SMIM7: variants seen among roughly 807,000 people sequenced by gnomAD.
SMIM7 encodes UPF0608 protein C19orf42.
Under a neutral mutation model 13.3 loss-of-function variants are expected in SMIM7, and 12 were observed. The observed-to-expected ratio is 0.90, with a 90% CI of 0.58 to 1.46. The LOEUF is 1.46. Ranked by LOEUF, SMIM7 falls within the 40% of genes most tolerant of loss-of-function variation. The probability of loss-of-function intolerance (pLI) is 0.00; values close to 1 mark genes in which losing one functional copy is unlikely to be tolerated. For missense variants in SMIM7, 114 were observed against 94.8 expected (o/e 1.20, Z -0.84); for synonymous variants, 36 against 35.8 (o/e 1.01, Z -0.02).
intron 3 of SMIM7, among the ~76,000 whole-genome samples, chr19:16,658,372 A>T (rs988215347): frequency 1.3e-5 from 2 of 152,256 alleles, no homozygotes; most frequent in African/African-American, 4.8e-5. Flanking sequence ...ATGAATGGAT[A>T]CAATAGTCAT....
chr19:16,633,548 G>A (rs905296811), intron 4 of SMIM7, among the ~76,000 whole-genome samples: 8 of 151,514 alleles, frequency 5.3e-5, no homozygotes, highest in Non-Finnish European at 7.4e-5. Flanking sequence ...AAGTGTGTGC[G>A]TGTGTGTGTG....
intron 4 of SMIM7, among the ~76,000 whole-genome samples, chr19:16,651,551 G>A (rs1346844695): frequency 2.0e-5 from 3 of 152,170 alleles, no homozygotes; most frequent in Non-Finnish European, 2.9e-5. Flanking sequence ...GAGGATGCCC[G>A]AGGCTGCTGT....
intron 4 of SMIM7, 121 bp downstream of exon 4, chr19:16,653,910 TAAAG>T (rs1159594534): frequency 5.1e-6 from 4 of 784,012 alleles, no homozygotes; most frequent in South Asian, 1.9e-5. Flanking sequence ...AAACAAAAAA[TAAAG>T]AAAACAGAAA....
At position 16,660,003 on chromosome 19, in the gene SMIM7, G is replaced by C; in HGVS notation, c.27-3C>G. The stretch of plus-strand genomic sequence containing the variant: ...CCCCGGCATTCATCAGCAACGTCCT[G>C]CAGAGGGAGAATTACAGTTACTAGG... On this transcript the variant is annotated splice_polypyrimidine_tract_variant and splice_region_variant and intron_variant, in intron 1 of 4. Coordinates refer to ENST00000487416, the MANE Select transcript of SMIM7 (RefSeq NM_024104.4). The C allele has an allele frequency of 6.2e-7, 1 of 1,613,980 alleles. No homozygotes were observed. Among genetic ancestry groups the C allele is most frequent in the Non-Finnish European group, 8.5e-7 (1 of 1,179,974 alleles).
In SMIM7 at chr19:16,659,412, G is replaced by C. The variant is rs1238640602; in HGVS notation, c.104C>G (p.Ser35Cys). Reference sequence around the variant, plus strand: ...GACCTTACCTGTGCTGGGCTCCCTGGACTCCTCCCCAAAGCCCTGCGTGTC... The same window carrying C: ...GACCTTACCTGTGCTGGGCTCCCTGCACTCCTCCCCAAAGCCCTGCGTGTC... ...KKDTQGFGEE[S>C]REPSTGDNIR... The change falls in exon 3 of 5, where the codon TCC (serine) becomes TGC (cysteine). Residue 35 changes from serine to cysteine, a missense_variant. Ser to Cys is a moderately radical substitution (Grantham distance 112, BLOSUM62 -1). Coordinates refer to ENST00000487416, the MANE Select transcript of SMIM7 (RefSeq NM_024104.4). The C allele has an allele frequency of 1.9e-6, 3 of 1,613,822 alleles. No homozygotes were observed. The highest frequency in any genetic ancestry group is 2.5e-6 in the Non-Finnish European group (3 of 1,179,962).
intron 4 of SMIM7, chr19:16,652,681 T>C: frequency 6.4e-6 from 9 of 1,413,848 alleles, no homozygotes; most frequent in Non-Finnish European, 8.3e-6. Flanking sequence ...AGATCTCCTA[T>C]GTCCTGGAAG....
intron 4 of SMIM7, chr19:16,638,848 A>G (rs975160611): frequency 1.4e-4 from 22 of 152,332 alleles, no homozygotes; most frequent in African/African-American, 5.3e-4. Flanking sequence ...CCCATATCAC[A>G]GATGAGGACG....
chr19:16,653,305 G>A (rs911142930), intron 4 of SMIM7, among the ~76,000 whole-genome samples: 5 of 152,330 alleles, frequency 3.3e-5, no homozygotes, highest in African/African-American at 4.8e-5. Context: ...AAGCAGGGCC[G>A]GGTGTGGTAG....
chr19:16,642,455 C>T (rs144559368), downstream of SMIM7, among the ~76,000 whole-genome samples: 773 of 152,186 alleles, frequency 5.1e-3, 4 homozygotes, highest in African/African-American at 0.018. Flanking sequence ...GAGGCTGAGG[C>T]ATGAGAATTG....
intron 2 of SMIM7, 50 bp downstream of exon 2, chr19:16,659,909 G>T: frequency 6.4e-7 from 1 of 1,574,714 alleles, no homozygotes; most frequent in East Asian, 2.3e-5. Flanking sequence ...TATGAGGGCG[G>T]GGCTACGGGT....
chr19:16,659,467 G>C lies in SMIM7; in HGVS notation c.69-20C>G. The C allele has an allele frequency of 1.2e-6, 2 of 1,610,454 alleles. No homozygotes were observed. Among genetic ancestry groups the C allele is most frequent in the South Asian group, 2.2e-5 (2 of 90,148 alleles). On this transcript the variant is annotated intron_variant, in intron 2 of 4. Coordinates refer to ENST00000487416, the MANE Select transcript of SMIM7 (RefSeq NM_024104.4). ...TTTTTCCTACAAAGAGGAGCAGACAGTGTCCACTTTCAATGGGACATAGAG... is the reference window on the plus strand; with the variant it reads ...TTTTTCCTACAAAGAGGAGCAGACACTGTCCACTTTCAATGGGACATAGAG...
chr19:16,643,516 T>A (rs1338633941), downstream of SMIM7, among the ~76,000 whole-genome samples: 1 of 151,752 alleles, frequency 6.6e-6, no homozygotes, highest in Non-Finnish European at 1.5e-5. Context: ...TCTACCTCAG[T>A]CTCCTGAGTA....
rs763852195 is a variant in SMIM7 at position 16,654,129 on chromosome 19, G to A, written c.122-4C>T. On this transcript the variant is annotated splice_polypyrimidine_tract_variant and splice_region_variant and intron_variant, in intron 3 of 4. Coordinates refer to ENST00000487416, the MANE Select transcript of SMIM7 (RefSeq NM_024104.4). ...AAGAATTCCCGGATGTTGTCACCTGGAAGAATCAGAAAGCACTTTTATGGC... is the reference window on the plus strand; with the variant it reads ...AAGAATTCCCGGATGTTGTCACCTGAAAGAATCAGAAAGCACTTTTATGGC... 1.5e-5 allele frequency: 24 copies of A among 1,613,244 alleles called. No homozygotes were observed. The East Asian group carries it at 5.3e-4, about 36-fold the overall frequency.
intron 4 of SMIM7, among the ~76,000 whole-genome samples, chr19:16,649,701 A>G (rs890242975): frequency 2.0e-5 from 3 of 152,240 alleles, no homozygotes; most frequent in African/African-American, 7.2e-5. Flanking sequence ...CCACTTTCAT[A>G]ATAGCTAAAA....
chr19:16,653,643 C>A, intron 4 of SMIM7: 1 of 204,114 alleles, frequency 4.9e-6, no homozygotes, highest in Non-Finnish European at 9.8e-6. Flanking sequence ...CTCCTGTAAT[C>A]CCAGCACTTT....
downstream of SMIM7, among the ~76,000 whole-genome samples, chr19:16,643,051 C>T (rs2086415412): frequency 6.6e-6 from 1 of 152,052 alleles, no homozygotes; most frequent in Non-Finnish European, 1.5e-5. Context: ...ATCCACCCGC[C>T]TCGGCCTCCC....
chr19:16,651,381 T>G (rs2086522501), intron 4 of SMIM7, among the ~76,000 whole-genome samples: 1 of 152,202 alleles, frequency 6.6e-6, no homozygotes, highest in Non-Finnish European at 1.5e-5. Flanking sequence ...ATTTGGCCTG[T>G]GGTCTGATGA....
intron 3 of SMIM7, among the ~76,000 whole-genome samples, chr19:16,658,805 TCTC>T (rs2086629081): frequency 6.6e-6 from 1 of 152,034 alleles, no homozygotes; most frequent in East Asian, 1.9e-4. Flanking sequence ...TAGGGCCTCT[TCTC>T]TGAAGTTTAC....
At chr19:16,649,986 A>C (rs2086500053) in intron 4 of SMIM7, among the ~76,000 whole-genome samples, 1 of 152,124 alleles carries the variant, frequency 6.6e-6, no homozygotes, top group African/African-American at 2.4e-5. Flanking sequence ...ATGGGGCGTG[A>C]CTGCCAATGG....
Sources: allele counts gnomAD v4.1 joint callset (sites outside exome capture counted in the v4.1 genomes callset), GRCh38; gene constraint gnomAD v4.1.1; transcripts MANE v1.5; gene names NCBI Gene and HGNC (gene_info 2026-07-23, HGNC 2026-07-21).